PPM1H: variants seen among roughly 807,000 people sequenced by gnomAD.
The protein encoded by PPM1H is protein phosphatase, Mg2+/Mn2+ dependent 1H, also known as protein phosphatase 1H.
In PPM1H, 27 loss-of-function variants were observed where a neutral mutation model predicts 54.9. That is an observed-to-expected ratio of 0.49 (90% CI 0.36 to 0.68). The LOEUF is 0.68. PPM1H is among the 30% of genes least tolerant of loss of function. PPM1H has a pLI of 0.00. For synonymous variants in PPM1H, 305 were observed against 270.8 expected (o/e 1.13, Z -1.24); for missense variants, 596 against 667.8 (o/e 0.89, Z 1.19).
intron 2 of PPM1H, among the ~76,000 whole-genome samples, chr12:62,815,492 G>A (rs1017978634): frequency 2.6e-5 from 4 of 152,240 alleles, no homozygotes; most frequent in Admixed American, 2.0e-4. Flanking sequence ...GAATCAACTC[G>A]AGAATATTCT....
In PPM1H at chr12:62,830,279, G is replaced by A. The variant is rs572272125; in HGVS notation, c.411+1835C>T. On this transcript the variant is annotated intron_variant, in intron 2 of 9. Transcript: ENST00000228705. Reference sequence around the variant, plus strand: ...TTTATTTATTTAATTTTTTTGAGACGGAGTCTCGCTCTGTCACCCAGGCTG... The same window carrying A: ...TTTATTTATTTAATTTTTTTGAGACAGAGTCTCGCTCTGTCACCCAGGCTG... Among the ~76,000 whole-genome samples the A allele has an allele frequency of 2.0e-4, 31 of 151,754 alleles. No individual in the cohort carries two copies. The East Asian group carries it at 4.6e-3, about 23-fold the overall frequency.
At chr12:62,675,833 G>A (rs958147980) in intron 8 of PPM1H, among the ~76,000 whole-genome samples, 2 of 152,196 alleles carry the variant, frequency 1.3e-5, no homozygotes, top group African/African-American at 4.8e-5. Context: ...AAGTGAGCAA[G>A]CTATTATGCA....
chr12:62,823,802 G>A (rs1012788079), intron 2 of PPM1H, among the ~76,000 whole-genome samples: 10 of 152,106 alleles, frequency 6.6e-5, no homozygotes, highest in African/African-American at 2.4e-4. Context: ...ATACTGAATG[G>A]GCAAAAACTG....
intron 5 of PPM1H, among the ~76,000 whole-genome samples, chr12:62,731,032 C>T (rs1381631984): frequency 1.3e-5 from 2 of 152,096 alleles, no homozygotes; most frequent in African/African-American, 2.4e-5. Context: ...TAACAAGAAC[C>T]GAGCTTGTAT....
At chr12:62,692,569 T>C (rs142777831) in intron 7 of PPM1H, among the ~76,000 whole-genome samples, 141 of 152,290 alleles carry the variant, frequency 9.3e-4, no homozygotes, top group Middle Eastern at 6.8e-3. Context: ...CTGAGTTTAC[T>C]GGAACTCACT....
intron 2 of PPM1H, among the ~76,000 whole-genome samples, chr12:62,824,609 C>T (rs910806659): frequency 1.3e-5 from 2 of 152,144 alleles, no homozygotes; most frequent in Non-Finnish European, 1.5e-5. Context: ...CATCTACAAC[C>T]ATCTGATCTT....
intron 1 of PPM1H, among the ~76,000 whole-genome samples, chr12:62,870,321 C>A (rs1424718200): frequency 6.6e-6 from 1 of 152,082 alleles, no homozygotes; most frequent in Non-Finnish European, 1.5e-5. Context: ...TTTTAGGAGG[C>A]TGGCCATTAG....
intron 1 of PPM1H, among the ~76,000 whole-genome samples, chr12:62,838,880 C>T (rs1169948657): frequency 1.1e-5 from 1 of 91,310 alleles, no homozygotes; most frequent in African/African-American, 5.9e-5. Flanking sequence ...GAGATCGCGC[C>T]ACTGCACTCC....
intron 1 of PPM1H, among the ~76,000 whole-genome samples, chr12:62,852,946 TAGAGAA>T (rs1869250496): frequency 6.6e-6 from 1 of 152,158 alleles, no homozygotes; most frequent in South Asian, 2.1e-4. Flanking sequence ...ACAAAGGAGA[TAGAGAA>T]TTGGGCTAAA....
intron 4 of PPM1H, among the ~76,000 whole-genome samples, chr12:62,740,615 A>T (rs1276928396): frequency 6.6e-6 from 1 of 152,196 alleles, no homozygotes; most frequent in Non-Finnish European, 1.5e-5. Context: ...TTGATTACTT[A>T]ACTGTCTGCT....
intron 5 of PPM1H, 125 bp from the exon 6 acceptor site, chr12:62,720,414 T>G: frequency 1.5e-6 from 1 of 654,418 alleles, no homozygotes; most frequent in East Asian, 2.7e-5. Flanking sequence ...TGCCTCATAT[T>G]TTAAGTAAAT....
At chr12:62,793,739 T>TAAAAAAAAAAAA (rs2076714193) in intron 3 of PPM1H, among the ~76,000 whole-genome samples, 1 of 51,436 alleles carries the variant, frequency 1.9e-5, no homozygotes, top group South Asian at 6.5e-4. Context: ...AAACTCCGTT[T>TAAAAAAAAAAAA]CAAAAAAAAA....
chr12:62,895,914 G>A (rs1312449209), intron 1 of PPM1H, among the ~76,000 whole-genome samples: 1 of 152,056 alleles, frequency 6.6e-6, no homozygotes, highest in Non-Finnish European at 1.5e-5. Flanking sequence ...AAATTACCCA[G>A]CCTCAGGTAT....
At chr12:62,805,577 G>C (rs1427657232) in intron 2 of PPM1H, among the ~76,000 whole-genome samples, 1 of 152,202 alleles carries the variant, frequency 6.6e-6, no homozygotes, top group Non-Finnish European at 1.5e-5. Context: ...AGGGCATTAT[G>C]CTAAGTGAAA....
chr12:62,653,442 G>GTGTT (rs1435020149), intron 9 of PPM1H, among the ~76,000 whole-genome samples: 1 of 152,180 alleles, frequency 6.6e-6, no homozygotes, highest in African/African-American at 2.4e-5. Flanking sequence ...TTCAATGACA[G>GTGTT]TGTTTCACCG....
intron 1 of PPM1H, chr12:62,850,693 T>G (rs946456103): frequency 6.7e-6 from 1 of 148,334 alleles, no homozygotes; most frequent in Non-Finnish European, 1.5e-5. Context: ...TAGTAACATA[T>G]AGGTAAAATA....
chr12:62,899,763 C>T (rs141311628), intron 1 of PPM1H, among the ~76,000 whole-genome samples: 21 of 152,296 alleles, frequency 1.4e-4, no homozygotes, highest in East Asian at 7.7e-4. Flanking sequence ...CAACCCCATA[C>T]GTTTGTAAAG....
intron 1 of PPM1H, among the ~76,000 whole-genome samples, chr12:62,888,279 G>A (rs998899764): frequency 1.3e-4 from 20 of 152,110 alleles, no homozygotes; most frequent in African/African-American, 4.3e-4. Flanking sequence ...TACAGGAAAG[G>A]GAACAAAGGC....
At chr12:62,655,471 T>C (rs1378585868) in intron 9 of PPM1H, among the ~76,000 whole-genome samples, 4 of 152,202 alleles carry the variant, frequency 2.6e-5, no homozygotes, top group African/African-American at 4.8e-5. Context: ...ACAGTGAAAG[T>C]GCTTAAGGTG....
Sources: gnomAD v4.1 joint callset for allele counts (sites outside exome capture counted in the v4.1 genomes callset) on GRCh38, gnomAD v4.1.1 for gene constraint, MANE v1.5 for transcripts, NCBI Gene and HGNC (gene_info 2026-07-23, HGNC 2026-07-21) for gene names.